The following GRIK2 variants were observed in gnomAD, a reference collection of about 807,000 sequenced individuals.
GRIK2 encodes the protein glutamate ionotropic receptor kainate type subunit 2, also known as glutamate receptor ionotropic, kainate 2.
In GRIK2, 32 loss-of-function variants were observed where a neutral mutation model predicts 100.3. The ratio of observed to expected loss-of-function variants is 0.32; its 90% CI spans 0.24 to 0.43. The LOEUF (loss-of-function observed/expected upper bound fraction) is 0.43, where lower values mean the gene tolerates loss of function less well. GRIK2 is among the 20% of genes least tolerant of loss of function. The pLI, the probability that GRIK2 is intolerant of heterozygous loss-of-function variation, is 1.00. For synonymous variants in GRIK2, 417 were observed against 389.4 expected (o/e 1.07, Z -0.83); for missense variants, 843 against 1,114.9 (o/e 0.76, Z 3.47).
At chr6:101,952,915 A>G (rs1046732244) in intron 14 of GRIK2, among the ~76,000 whole-genome samples, 4 of 152,160 alleles carry the variant, frequency 2.6e-5, no homozygotes, top group African/African-American at 9.7e-5. Context: ...AAAATAAACC[A>G]TGTACTCATT....
intron 11 of GRIK2, among the ~76,000 whole-genome samples, chr6:101,885,131 T>A (rs6905533): frequency 0.075 from 11,392 of 152,146 alleles, 1,098 homozygotes; most frequent in African/African-American, 0.23. Flanking sequence ...TTCTCATATC[T>A]TATTGGTTGA....
intron 2 of GRIK2, among the ~76,000 whole-genome samples, chr6:101,437,695 A>T (rs1393078904): frequency 6.6e-6 from 1 of 152,110 alleles, no homozygotes; most frequent in Non-Finnish European, 1.5e-5. Context: ...TCCCAAAGTG[A>T]CCATCTGTCC....
chr6:102,002,332 ATATG>A (rs976274072), intron 14 of GRIK2, among the ~76,000 whole-genome samples: 14 of 144,918 alleles, frequency 9.7e-5, no homozygotes, highest in Admixed American at 7.8e-4. Context: ...TATATATTAT[ATATG>A]TATGTAGTAT....
At chr6:102,059,669 T>A (rs1482387007) in intron 16 of GRIK2, among the ~76,000 whole-genome samples, 1 of 150,978 alleles carries the variant, frequency 6.6e-6, no homozygotes, top group Non-Finnish European at 1.5e-5. Context: ...TTAATTTTTA[T>A]AAACTTTTTA....
At chr6:101,417,355 G>A (rs75778386) in intron 2 of GRIK2, among the ~76,000 whole-genome samples, 2,771 of 152,238 alleles carry the variant, frequency 0.018, 92 homozygotes, top group African/African-American at 0.064. Flanking sequence ...GTAAGAAGGT[G>A]AAGTTCCATG....
Position 101,849,243 on chromosome 6 carries a change from C to T in GRIK2, c.1318-10044C>T, listed in dbSNP as rs1159138472. On this transcript the variant is annotated intron_variant, in intron 10 of 16. Transcript: ENST00000369134. ...AGAAAGGGAAACAAAGAAAAACCCC[C>T]AAACCAAAACTAACCCAACGAAAAA... Among the ~76,000 whole-genome samples, 5 of 151,962 alleles carry T rather than the reference C, an allele frequency of 3.3e-5. No homozygotes were observed. In the East Asian group the frequency reaches 9.7e-4, roughly 30 times the overall value.
At chr6:102,051,235 G>T (rs1465850296) in intron 15 of GRIK2, among the ~76,000 whole-genome samples, 1 of 141,362 alleles carries the variant, frequency 7.1e-6, no homozygotes, top group Non-Finnish European at 1.6e-5. Context: ...TACTATGACT[G>T]CCTGCTTCCC....
intron 2 of GRIK2, among the ~76,000 whole-genome samples, chr6:101,513,632 T>A (rs1774431260): frequency 6.6e-6 from 1 of 152,138 alleles, no homozygotes; most frequent in Admixed American, 6.6e-5. Context: ...AAGTAAATAA[T>A]GATATATAGG....
At chr6:101,775,400 A>T (rs1384008351) in intron 7 of GRIK2, among the ~76,000 whole-genome samples, 1 of 152,014 alleles carries the variant, frequency 6.6e-6, no homozygotes, top group Admixed American at 6.6e-5. Context: ...ACTTTACTTG[A>T]TCTTCAGAAC....
chr6:101,679,192 T>C (rs943815629), intron 5 of GRIK2, among the ~76,000 whole-genome samples: 6 of 151,990 alleles, frequency 3.9e-5, no homozygotes, highest in Non-Finnish European at 7.4e-5. Flanking sequence ...TAAAAGAAAA[T>C]GCTAATAAAA....
intron 16 of GRIK2, among the ~76,000 whole-genome samples, chr6:102,057,709 T>G (rs1771532727): frequency 1.3e-5 from 2 of 151,882 alleles, no homozygotes; most frequent in South Asian, 4.1e-4. Context: ...TTCACACCTG[T>G]CCCTGTCCAC....
intron 7 of GRIK2, among the ~76,000 whole-genome samples, chr6:101,698,437 G>A (rs1372654233): frequency 1.3e-5 from 2 of 151,974 alleles, no homozygotes; most frequent in African/African-American, 2.4e-5. Context: ...ATTATGCAGA[G>A]GAAATATTAT....
intron 4 of GRIK2, among the ~76,000 whole-genome samples, chr6:101,647,796 T>C (rs1781600614): frequency 6.6e-6 from 1 of 151,986 alleles, no homozygotes. Flanking sequence ...GGAAAACACA[T>C]CTTATGAACT....
intron 14 of GRIK2, among the ~76,000 whole-genome samples, chr6:101,934,555 A>G (rs1681192022): frequency 6.6e-6 from 1 of 152,040 alleles, no homozygotes; most frequent in Middle Eastern, 3.4e-3. Context: ...TGCTTTCAGT[A>G]TACTACAAGA....
At chr6:101,568,986 G>C (rs778042844) in intron 2 of GRIK2, among the ~76,000 whole-genome samples, 3 of 151,976 alleles carry the variant, frequency 2.0e-5, no homozygotes, top group Non-Finnish European at 4.4e-5. Flanking sequence ...GCTGGAGTAG[G>C]AGGCAATTAC....
rs1420686082 is a variant in GRIK2, at chr6:102,029,646, A to G, written c.2086-5695A>G. ...ACACAATATATTTTACAGTGGAAGT[A>G]TGACCCCATGGGTGTTTAATATAAA... On this transcript the variant is annotated intron_variant, in intron 14 of 16. Transcript: ENST00000369134. 2.0e-5 allele frequency among the ~76,000 whole-genome samples: 3 copies of G among 151,356 alleles called. No homozygotes were observed. The Admixed American group carries it at 2.0e-4, about 10-fold the overall frequency.
In GRIK2 at chr6:101,728,409, A is replaced by G. The variant is rs1395718652; in HGVS notation, c.951+42056A>G. 2.6e-5 allele frequency among the ~76,000 whole-genome samples: 4 copies of G among 152,138 alleles called. No individual in the cohort carries two copies. The East Asian group carries it at 5.8e-4, about 22-fold the overall frequency. On this transcript the variant is annotated intron_variant, in intron 7 of 16. Coordinates refer to ENST00000369134, the MANE Select transcript of GRIK2 (RefSeq NM_021956.5). ...ATTTCCGTTTGATACAAGAGAAAAC[A>G]CAACTTACCCACATCACAGTAGAGT...
intron 11 of GRIK2, among the ~76,000 whole-genome samples, chr6:101,872,043 T>C (rs9386296): frequency 0.19 from 28,477 of 151,868 alleles, 3,335 homozygotes; most frequent in East Asian, 0.3. Context: ...TCAGTTATTT[T>C]TTGTTGTTGT....
chr6:101,859,460 A>G lies in GRIK2; in HGVS notation c.1491A>G (p.Gln497=). Residue 497 remains glutamine (Q), a synonymous_variant, in exon 11 of 17, where the codon CAA becomes CAG. Transcript: ENST00000369134. ...KYGAQDDANG[Q]WNGMVRELID... is the part of the protein sequence containing the mutation. Reference sequence around the variant, plus strand: ...GAGCCCAGGATGATGCCAATGGACAATGGAATGGAATGGTTCGTGAACTAA... The same window carrying G: ...GAGCCCAGGATGATGCCAATGGACAGTGGAATGGAATGGTTCGTGAACTAA... 1 of 1,605,402 alleles carries G rather than the reference A, an allele frequency of 6.2e-7. No homozygotes were observed. Among genetic ancestry groups the G allele is most frequent in the Non-Finnish European group, 8.5e-7 (1 of 1,172,886 alleles).
Sources: allele counts gnomAD v4.1 joint callset (sites outside exome capture counted in the v4.1 genomes callset), GRCh38; gene constraint gnomAD v4.1.1; transcripts MANE v1.5; gene names NCBI Gene and HGNC (gene_info 2026-07-23, HGNC 2026-07-21).